CERT1: variants seen among roughly 807,000 people sequenced by gnomAD.
CERT1 encodes the protein ceramide transporter 1.
CERT1 carries 31 observed loss-of-function variants against 87.9 expected under a neutral mutation model. That is an observed-to-expected ratio of 0.35 (90% CI 0.27 to 0.48). The LOEUF is 0.48. Among genes scored for constraint, CERT1 ranks in the 20% least tolerant of loss-of-function variants. The probability of loss-of-function intolerance (pLI) is 0.99; values close to 1 mark genes in which losing one functional copy is unlikely to be tolerated. For synonymous variants in CERT1, 289 were observed against 250.9 expected, an observed-to-expected ratio of 1.15 and a Z score of -1.44; for missense variants, 487 against 758.0, an observed-to-expected ratio of 0.64 and a Z score of 4.20.
chr5:75,405,877 G>C (rs941786384), intron 8 of CERT1, among the ~76,000 whole-genome samples: 7 of 150,242 alleles, frequency 4.7e-5, no homozygotes, highest in South Asian at 2.1e-4. Context: ...GTTACTGGGG[G>C]GGGGGGGGGT....
intron 8 of CERT1, among the ~76,000 whole-genome samples, chr5:75,409,866 T>C (rs1253830852): frequency 3.3e-5 from 5 of 151,132 alleles, no homozygotes; most frequent in Non-Finnish European, 7.4e-5. Context: ...AAAGTCTCGC[T>C]CTGTCACCCA....
Position 75,399,302 on chromosome 5 carries a change from T to C in CERT1, c.1188+8A>G, listed in dbSNP as rs764186773. ...GACTCAAGTCCACTCTATACATTCATACAGTACCTGGGAGCTGAATCTGTG... is the reference window on the plus strand; with the variant it reads ...GACTCAAGTCCACTCTATACATTCACACAGTACCTGGGAGCTGAATCTGTG... On this transcript the variant is annotated splice_region_variant and intron_variant, in intron 11 of 16. Coordinates refer to ENST00000643780, the MANE Select transcript of CERT1 (RefSeq NM_001379029.1). 8 of 1,595,248 alleles carry C rather than the reference T, an allele frequency of 5.0e-6. No homozygotes were observed. Among genetic ancestry groups the C allele is most frequent in the Non-Finnish European group, 8.6e-7 (1 of 1,162,896 alleles).
At chr5:75,466,435 T>C (rs1172451142) in intron 2 of CERT1, among the ~76,000 whole-genome samples, 1 of 152,144 alleles carries the variant, frequency 6.6e-6, no homozygotes, top group Non-Finnish European at 1.5e-5. Flanking sequence ...AACATTTCCT[T>C]TACAGATTAG....
chr5:75,381,324 A>G, intron 15 of CERT1, 123 bp from the exon 16 acceptor site: 1 of 1,100,396 alleles, frequency 9.1e-7, no homozygotes, highest in Non-Finnish European at 1.3e-6. Context: ...AAATCTTATA[A>G]GCACCAAGCT....
intron 2 of CERT1, among the ~76,000 whole-genome samples, chr5:75,478,909 TAAAAAAAAAAAAAAAAA>T (rs11438163): frequency 4.6e-5 from 1 of 21,766 alleles, no homozygotes; most frequent in South Asian, 2.1e-3. Context: ...AAGTAAGTAC[TAAAAAAAAAAAAAAAAA>T]AAAAAAAAAA....
chr5:75,459,017 A>C lies in CERT1; in HGVS notation c.348+48T>G, dbSNP rs148865930. 6 of 1,051,502 alleles carry C rather than the reference A, an allele frequency of 5.7e-6. No individual in the cohort carries two copies. The African/African-American group carries it at 9.6e-5, about 17-fold the overall frequency. 65.1% of individuals were successfully genotyped at this position (1,051,502 alleles called of 1,614,324 possible). On this transcript the variant is annotated intron_variant, in intron 3 of 16. Coordinates refer to ENST00000643780, the MANE Select transcript of CERT1 (RefSeq NM_001379029.1). Reference sequence around the variant, plus strand: ...ACTTTTTTTTTAAGGTATTGTCAACAATCTCTTACCTAGTCCTCCATGGAC... The same window carrying C: ...ACTTTTTTTTTAAGGTATTGTCAACCATCTCTTACCTAGTCCTCCATGGAC...
At chr5:75,464,471 T>TAAAGA (rs1765375301) in intron 2 of CERT1, among the ~76,000 whole-genome samples, 1 of 152,108 alleles carries the variant, frequency 6.6e-6, no homozygotes, top group South Asian at 2.1e-4. Flanking sequence ...GGCAAGCAGA[T>TAAAGA]AAAGAAAAGT....
At chr5:75,466,078 A>T (rs528512397) in intron 2 of CERT1, among the ~76,000 whole-genome samples, 10 of 152,136 alleles carry the variant, frequency 6.6e-5, no homozygotes, top group Non-Finnish European at 1.2e-4. Flanking sequence ...ACAACCTATT[A>T]TCTCTCTTAA....
At chr5:75,409,004 T>C (rs9293652) in intron 8 of CERT1, among the ~76,000 whole-genome samples, 19,092 of 152,038 alleles carry the variant, frequency 0.13, 1,301 homozygotes, top group South Asian at 0.23. Context: ...ATACTGCTGG[T>C]AGATGATAAA....
intron 2 of CERT1, among the ~76,000 whole-genome samples, chr5:75,468,007 G>C: frequency 6.6e-6 from 1 of 152,190 alleles, no homozygotes. Context: ...AATGCAAAAA[G>C]TGGTTGGCCC....
At chr5:75,427,374 G>A (rs571018509) in intron 3 of CERT1, among the ~76,000 whole-genome samples, 1 of 152,162 alleles carries the variant, frequency 6.6e-6, no homozygotes, top group African/African-American at 2.4e-5. Flanking sequence ...CAAGGTGGGT[G>A]GATCACTTGA....
rs1396016317 is a variant in CERT1 at position 75,511,318 on chromosome 5, G to A, written c.-111C>T. 3 of 1,548,792 alleles carry A rather than the reference G, an allele frequency of 1.9e-6. No individual in the cohort carries two copies. Among genetic ancestry groups the A allele is most frequent in the African/African-American group, 2.7e-5 (2 of 73,058 alleles). ...GGGGATGGCGAAGCGAAGAGTGCCC[G>A]CTCCGGTGTGGGGGGGAGCAGGAGG... On this transcript the variant is annotated 5_prime_UTR_variant, in exon 1 of 17. Coordinates refer to ENST00000643780, the MANE Select transcript of CERT1 (RefSeq NM_001379029.1).
intron 3 of CERT1, 59 bp downstream of exon 3, chr5:75,459,006 G>A: frequency 1.1e-6 from 1 of 889,616 alleles, no homozygotes; most frequent in Non-Finnish European, 1.8e-6. Flanking sequence ...TTTTTTTAAG[G>A]TATTGTCAAC....
intron 17 of CERT1, chr5:75,371,169 T>C (rs982177043): frequency 7.9e-5 from 12 of 152,168 alleles, no homozygotes; most frequent in Admixed American, 7.9e-4. Flanking sequence ...GATTGTAACA[T>C]GGAAGATCCA....
At chr5:75,405,517 C>G (rs75133026) in intron 8 of CERT1, among the ~76,000 whole-genome samples, 114 of 152,246 alleles carry the variant, frequency 7.5e-4, no homozygotes, top group African/African-American at 2.5e-3. Flanking sequence ...TCAATTGCAA[C>G]GTGTCTGAAA....
chr5:75,420,801 T>C (rs1245119079), intron 5 of CERT1, among the ~76,000 whole-genome samples: 1 of 152,140 alleles, frequency 6.6e-6, no homozygotes, highest in African/African-American at 2.4e-5. Flanking sequence ...ATTTGCTGCT[T>C]TTATCAAGCT....
chr5:75,467,437 T>A (rs1561283899), intron 2 of CERT1, among the ~76,000 whole-genome samples: 1 of 152,098 alleles, frequency 6.6e-6, no homozygotes, highest in East Asian at 1.9e-4. Flanking sequence ...AGCTCAGGGT[T>A]CAAGACTAGC....
rs1384179157 is a variant in CERT1 at position 75,419,454 on chromosome 5, A to T, written c.596-30T>A. On this transcript the variant is annotated intron_variant, in intron 5 of 16. Coordinates refer to ENST00000643780, the MANE Select transcript of CERT1 (RefSeq NM_001379029.1). The stretch of plus-strand genomic sequence containing the variant: ...ATAAAATATATTTAAGGAAATTAGG[A>T]TGAAAAGAAATAGAAATTAATGTCT... 5 of 1,406,626 alleles carry T rather than the reference A, an allele frequency of 3.6e-6. No individual in the cohort carries two copies. In the East Asian group the frequency reaches 9.4e-5, roughly 26 times the overall value. 87.1% of individuals were successfully genotyped at this position (1,406,626 alleles called of 1,614,324 possible).
intron 8 of CERT1, among the ~76,000 whole-genome samples, chr5:75,407,372 GA>G (rs1458665879): frequency 6.6e-6 from 1 of 151,062 alleles, no homozygotes; most frequent in Non-Finnish European, 1.5e-5. Flanking sequence ...CAAATGTGGA[GA>G]AAAGTGGATC....
Sources: gnomAD v4.1 joint callset for allele counts (sites outside exome capture counted in the v4.1 genomes callset) on GRCh38, gnomAD v4.1.1 for gene constraint, MANE v1.5 for transcripts, NCBI Gene and HGNC (gene_info 2026-07-23, HGNC 2026-07-21) for gene names.